EYS: variants seen among roughly 807,000 people sequenced by gnomAD.
The protein encoded by EYS is protein eyes shut homolog.
Under a neutral mutation model 282.1 loss-of-function variants are expected in EYS, and 250 were observed. That is an observed-to-expected ratio of 0.89 (90% CI 0.80 to 0.98). EYS has a LOEUF of 0.98. EYS is among the 50% of genes least tolerant of loss of function. The pLI is 0.00. For synonymous variants in EYS, 1,355 were observed against 1,282.9 expected (o/e 1.06, Z -1.20); for missense variants, 4,016 against 3,709.0 (o/e 1.08, Z -2.15).
intron 26 of EYS, among the ~76,000 whole-genome samples, chr6:64,440,559 T>C (rs2150467481): frequency 6.6e-6 from 1 of 152,262 alleles, no homozygotes; most frequent in Non-Finnish European, 1.5e-5. Context: ...CCTTTCAATT[T>C]TGACATTCTA....
chr6:63,757,891 G>A (rs1049340866), intron 41 of EYS, among the ~76,000 whole-genome samples: 5 of 152,076 alleles, frequency 3.3e-5, no homozygotes, highest in African/African-American at 1.2e-4. Flanking sequence ...TTGAGAATGA[G>A]TTTCTTTGTT....
intron 39 of EYS, among the ~76,000 whole-genome samples, chr6:63,786,506 G>A (rs1770364654): frequency 6.6e-6 from 1 of 151,760 alleles, no homozygotes; most frequent in African/African-American, 2.4e-5. Flanking sequence ...GACACAGGGA[G>A]GGGAACATCA....
chr6:63,921,919 T>G (rs900473210), intron 35 of EYS, among the ~76,000 whole-genome samples: 1 of 152,156 alleles, frequency 6.6e-6, no homozygotes, highest in Non-Finnish European at 1.5e-5. Flanking sequence ...GAGCAATGCA[T>G]GGAAAAGGTA....
Position 65,287,873 on chromosome 6 carries a change from T to C in EYS, c.2023+7990A>G, listed in dbSNP as rs182461784. Among the ~76,000 whole-genome samples, 28 of 151,370 alleles carry C rather than the reference T, an allele frequency of 1.8e-4. 1 individual carries two copies. The South Asian group carries it at 4.1e-3, about 22-fold the overall frequency. On this transcript the variant is annotated intron_variant, in intron 12 of 42. Coordinates refer to ENST00000503581, the MANE Select transcript of EYS (RefSeq NM_001142800.2). ...CTGTCTCCCATAACCTTTTCTTTTA[T>C]ATTACCTTTCAAAAAAGTTTCTAGA... is the stretch of plus-strand genomic sequence containing the variant.
At chr6:65,118,951 TTTG>T (rs1775453807) in intron 12 of EYS, among the ~76,000 whole-genome samples, 1 of 151,776 alleles carries the variant, frequency 6.6e-6, no homozygotes, top group Non-Finnish European at 1.5e-5. Flanking sequence ...TAACAGAATG[TTTG>T]TTAATATATA....
At chr6:64,424,661 AT>A (rs1392586478) in intron 28 of EYS, among the ~76,000 whole-genome samples, 1 of 152,166 alleles carries the variant, frequency 6.6e-6, no homozygotes, top group East Asian at 1.9e-4. Context: ...TGAATCTCAA[AT>A]CAAGTTTCAT....
intron 11 of EYS, among the ~76,000 whole-genome samples, chr6:65,326,707 T>A (rs1769632164): frequency 6.6e-6 from 1 of 151,628 alleles, no homozygotes; most frequent in Non-Finnish European, 1.5e-5. Context: ...ATTGAAAGCA[T>A]TTAATAATCT....
chr6:65,568,299 CTTTTTTTTCT>C (rs907693153), intron 2 of EYS, among the ~76,000 whole-genome samples: 2 of 75,112 alleles, frequency 2.7e-5, no homozygotes, highest in African/African-American at 1.3e-4. Context: ...TTCTTTTTTT[CTTTTTTTTCT>C]TTTTTTTTTT....
chr6:64,530,423 C>T (rs1019448657), intron 26 of EYS, among the ~76,000 whole-genome samples: 1 of 151,580 alleles, frequency 6.6e-6, no homozygotes, highest in Non-Finnish European at 1.5e-5. Flanking sequence ...ACATGTGTTC[C>T]TAGAGTTATG....
At chr6:65,076,428 T>A (rs1256913036) in intron 12 of EYS, among the ~76,000 whole-genome samples, 1 of 151,974 alleles carries the variant, frequency 6.6e-6, no homozygotes, top group Non-Finnish European at 1.5e-5. Context: ...CTTTATAGGG[T>A]ATGAGGCATC....
intron 19 of EYS, among the ~76,000 whole-genome samples, chr6:64,872,615 A>C (rs977768405): frequency 4.6e-5 from 7 of 151,998 alleles, no homozygotes. Flanking sequence ...TTTAGAGATG[A>C]GAAAATGTAA....
chr6:63,742,003 T>G (rs1386533257), intron 41 of EYS: 2 of 701,628 alleles, frequency 2.9e-6, no homozygotes, highest in South Asian at 1.5e-5. Flanking sequence ...GGGTCTTTTT[T>G]GTCTGCTGCT....
chr6:65,700,006 T>C (rs1212886446), intron 1 of EYS, among the ~76,000 whole-genome samples: 1 of 146,702 alleles, frequency 6.8e-6, no homozygotes, highest in African/African-American at 2.6e-5. Flanking sequence ...TCCCAGCTAG[T>C]CGGGAGGCTG....
At chr6:64,577,753 A>C (rs1363842800) in intron 26 of EYS, among the ~76,000 whole-genome samples, 2 of 152,104 alleles carry the variant, frequency 1.3e-5, no homozygotes, top group Non-Finnish European at 2.9e-5. Context: ...TGTAATAAGG[A>C]ATGTCATTAT....
chr6:65,634,345 T>A (rs1767017949), intron 2 of EYS, among the ~76,000 whole-genome samples: 2 of 152,138 alleles, frequency 1.3e-5, no homozygotes, highest in African/African-American at 2.4e-5. Flanking sequence ...TTTAAAAAAA[T>A]TATAATGGAT....
chr6:64,037,237 G>A (rs1485319883), intron 33 of EYS, among the ~76,000 whole-genome samples: 3 of 152,090 alleles, frequency 2.0e-5, no homozygotes, highest in Non-Finnish European at 4.4e-5. Context: ...TGTGGAAAAC[G>A]GTCCTATTAA....
intron 35 of EYS, among the ~76,000 whole-genome samples, chr6:63,956,735 G>T (rs1765841429): frequency 6.6e-6 from 1 of 152,028 alleles, no homozygotes; most frequent in South Asian, 2.1e-4. Context: ...TGCAAAACTT[G>T]CCTTGTCTGC....
intron 22 of EYS, among the ~76,000 whole-genome samples, chr6:64,723,686 A>C (rs1177048948): frequency 6.6e-6 from 1 of 152,214 alleles, no homozygotes; most frequent in Non-Finnish European, 1.5e-5. Flanking sequence ...ATGGTCCTGC[A>C]GAATGAATTG....
At chr6:64,812,627 A>G (rs1764631773) in intron 22 of EYS, among the ~76,000 whole-genome samples, 1 of 152,066 alleles carries the variant, frequency 6.6e-6, no homozygotes, top group Non-Finnish European at 1.5e-5. Context: ...AAATAACTAT[A>G]TATCAAGATA....
Sources: gnomAD v4.1 joint callset for allele counts (sites outside exome capture counted in the v4.1 genomes callset) on GRCh38, gnomAD v4.1.1 for gene constraint, MANE v1.5 for transcripts, NCBI Gene and HGNC (gene_info 2026-07-23, HGNC 2026-07-21) for gene names.